The following FBN2 variants were observed in gnomAD, a reference collection of about 807,000 sequenced individuals.
FBN2 encodes fibrillin-2.
In FBN2, 105 loss-of-function variants were observed where a neutral mutation model predicts 355.6. The observed-to-expected ratio is 0.30, with a 90% CI of 0.25 to 0.35. The LOEUF is 0.35. FBN2 is among the 10% of genes least tolerant of loss of function. The probability of loss-of-function intolerance (pLI) is 1.00; values close to 1 mark genes in which losing one functional copy is unlikely to be tolerated. For missense variants in FBN2, 3,280 were observed against 3,758.7 expected, an observed-to-expected ratio of 0.87 and a Z score of 3.33; for synonymous variants, 1,350 against 1,301.2, an observed-to-expected ratio of 1.04 and a Z score of -0.81.
In FBN2 at chr5:128,310,337, A is replaced by G. The variant is rs529367845; in HGVS notation, c.5075-229T>C. 3.4e-5 allele frequency among the ~76,000 whole-genome samples: 5 copies of G among 147,540 alleles called. No individual in the cohort carries two copies. The East Asian group carries it at 7.8e-4, about 23-fold the overall frequency. ...ATAAAGCATCAAAAGAAATTATTCT[A>G]AAGTGGCAAAAAATAATTTCCTTGG... On this transcript the variant is annotated intron_variant, in intron 39 of 64. Coordinates refer to ENST00000262464, the MANE Select transcript of FBN2 (RefSeq NM_001999.4).
intron 6 of FBN2, among the ~76,000 whole-genome samples, chr5:128,456,932 G>A (rs763040692): frequency 5.9e-5 from 9 of 152,194 alleles, no homozygotes; most frequent in Non-Finnish European, 8.8e-5. Context: ...CAAGGGTGCA[G>A]AGCTAAACGA....
At chr5:128,504,979 G>T (rs1755916238) in intron 5 of FBN2, among the ~76,000 whole-genome samples, 1 of 152,116 alleles carries the variant, frequency 6.6e-6, no homozygotes, top group South Asian at 2.1e-4. Flanking sequence ...TCCCCATACT[G>T]TTCTCATGGT....
Position 128,303,072 on chromosome 5 carries a change from G to A in FBN2, c.5818C>T (p.Arg1940Trp), listed in dbSNP as rs755672868. 3.1e-6 allele frequency: 5 copies of A among 1,605,312 alleles called. No individual in the cohort carries two copies. Among genetic ancestry groups the A allele is most frequent in the East Asian group, 2.2e-5 (1 of 44,796 alleles). ...TMCMDVDECERHPCGNGTCKN... is the reference protein window; with the variant it reads ...TMCMDVDECEWHPCGNGTCKN... ...CAAGTTCCATTTCCACATGGATGCC[G>A]CTCGCACTCATCAACATCTATAAAG... The change falls in exon 46 of 65, where the codon CGG (arginine) becomes TGG (tryptophan). Residue 1940 changes from arginine (R) to tryptophan (W), a missense_variant. By Grantham distance (101) the Arg-to-Trp change is moderately radical (BLOSUM62 -3). This residue lies in a region of FBN2 where 2,284 missense variants were observed against 2,749.5 expected (regional missense o/e 0.83). Transcript: ENST00000262464.
intron 16 of FBN2, among the ~76,000 whole-genome samples, chr5:128,368,025 C>A (rs1473170295): frequency 6.6e-6 from 1 of 152,022 alleles, no homozygotes; most frequent in Non-Finnish European, 1.5e-5. Context: ...AAAGTTCTTA[C>A]TCATTTTTTT....
intron 7 of FBN2, among the ~76,000 whole-genome samples, chr5:128,433,106 G>A (rs1367647064): frequency 1.3e-5 from 2 of 152,088 alleles, no homozygotes; most frequent in African/African-American, 2.4e-5. Flanking sequence ...TTCATGATGA[G>A]ATTTGGGTGG....
chr5:128,482,056 G>A (rs183096714), intron 5 of FBN2, among the ~76,000 whole-genome samples: 367 of 152,220 alleles, frequency 2.4e-3, no homozygotes, highest in African/African-American at 8.6e-3. Context: ...AGATCCATAG[G>A]ATTGTTCTAA....
chr5:128,353,662 A>G (rs1751426700), intron 20 of FBN2, among the ~76,000 whole-genome samples: 1 of 152,242 alleles, frequency 6.6e-6, no homozygotes, highest in African/African-American at 2.4e-5. Context: ...GCTAAGATTT[A>G]TCAAGATAGT....
intron 63 of FBN2, among the ~76,000 whole-genome samples, chr5:128,262,856 C>G (rs1282060524): frequency 6.6e-6 from 1 of 152,200 alleles, no homozygotes; most frequent in African/African-American, 2.4e-5. Flanking sequence ...ACCTCTGCCA[C>G]AGCCCATGGA....
At chr5:128,346,465 G>A (rs552416203) in intron 23 of FBN2, among the ~76,000 whole-genome samples, 11 of 152,248 alleles carry the variant, frequency 7.2e-5, no homozygotes, top group African/African-American at 1.2e-4. Context: ...ACTGTCTAAC[G>A]GAGGGAATGA....
intron 15 of FBN2, among the ~76,000 whole-genome samples, chr5:128,373,511 TC>T (rs1752001752): frequency 6.6e-6 from 1 of 152,160 alleles, no homozygotes; most frequent in African/African-American, 2.4e-5. Context: ...GTTTTGATTC[TC>T]ATAGGTAGGA....
At chr5:128,416,393 CT>C (rs1327068841) in intron 7 of FBN2, among the ~76,000 whole-genome samples, 1 of 152,156 alleles carries the variant, frequency 6.6e-6, no homozygotes, top group Non-Finnish European at 1.5e-5. Flanking sequence ...ATTTCCTTCG[CT>C]GTTCAGAAGC....
At chr5:128,342,598 G>C (rs551932144) in intron 25 of FBN2, among the ~76,000 whole-genome samples, 2 of 152,238 alleles carry the variant, frequency 1.3e-5, no homozygotes, top group South Asian at 4.1e-4. Flanking sequence ...AGAGAGGAGA[G>C]AGGAGCGAAC....
chr5:128,495,114 C>G (rs142854653), intron 5 of FBN2, among the ~76,000 whole-genome samples: 38 of 151,974 alleles, frequency 2.5e-4, no homozygotes, highest in Admixed American at 1.4e-3. Context: ...TAAAAAGAAC[C>G]AAGTAGAAAT....
At chr5:128,390,245 C>T (rs1167288279) in intron 11 of FBN2, among the ~76,000 whole-genome samples, 1 of 152,164 alleles carries the variant, frequency 6.6e-6, no homozygotes, top group Non-Finnish European at 1.5e-5. Flanking sequence ...TTGTATATGA[C>T]CTACAAGAAA....
rs139213651 is a variant in FBN2, at chr5:128,380,640, A to C, written c.1604-1750T>G. On this transcript the variant is annotated intron_variant, in intron 11 of 64. Transcript: ENST00000262464. ...TTAATTTTGGTCAAAACAATCACCAAAAAAGCAATTAGTGACTTTACAATT... is the reference window on the plus strand; with the variant it reads ...TTAATTTTGGTCAAAACAATCACCACAAAAGCAATTAGTGACTTTACAATT... Among the ~76,000 whole-genome samples, 468 of 152,226 alleles carry C rather than the reference A, an allele frequency of 3.1e-3. 3 individuals are homozygous for C. Among genetic ancestry groups the C allele is most frequent in the African/African-American group, 0.011 (450 of 41,552 alleles).
chr5:128,518,235 T>C (rs1000123638), intron 5 of FBN2, among the ~76,000 whole-genome samples: 23 of 152,094 alleles, frequency 1.5e-4, no homozygotes, highest in African/African-American at 5.1e-4. Context: ...CTAGAATCCT[T>C]GAAACATAAA....
In FBN2 at chr5:128,338,100, G is replaced by T. The variant is rs774250442; in HGVS notation, c.3495C>A (p.Asn1165Lys). 5.0e-6 allele frequency: 8 copies of T among 1,614,044 alleles called. No individual in the cohort carries two copies. In the South Asian group the frequency reaches 8.8e-5, roughly 18 times the overall value. ...NCMDIDECERNPLLCRGGTCV... is the reference protein window; with the variant it reads ...NCMDIDECERKPLLCRGGTCV... ...AGGTGCCACCCCTACAAAGGAGAGG[G>T]TTACGTTCACATTCGTCAATGTCTG... Residue 1165 changes from asparagine (N) to lysine (K), a missense_variant, in exon 27 of 65, where the codon AAC (asparagine) becomes AAA (lysine). Around this residue, in one of 6 missense-constraint regions of FBN2, gnomAD observed 2,284 missense variants for 2,749.5 expected, o/e 0.83. Coordinates refer to ENST00000262464, the MANE Select transcript of FBN2 (RefSeq NM_001999.4).
chr5:128,338,850 C>T, intron 26 of FBN2, 83 bp downstream of exon 26: 1 of 1,461,134 alleles, frequency 6.8e-7, no homozygotes, highest in Middle Eastern at 1.9e-4. Flanking sequence ...GTTCACAGCC[C>T]AGAGATAAGC....
intron 7 of FBN2, among the ~76,000 whole-genome samples, chr5:128,440,373 A>C (rs1442249459): frequency 3.9e-5 from 6 of 152,190 alleles, no homozygotes; most frequent in Non-Finnish European, 8.8e-5. Flanking sequence ...CAGTACAGGA[A>C]GCATGGCTAG....
Sources: gnomAD v4.1 joint callset for allele counts (sites outside exome capture counted in the v4.1 genomes callset) on GRCh38, gnomAD v4.1.1 for gene constraint, gnomAD v4.1.1 regional missense constraint, MANE v1.5 for transcripts, NCBI Gene and HGNC (gene_info 2026-07-23, HGNC 2026-07-21) for gene names.